The following DLL4 variants were observed in gnomAD, a reference collection of about 807,000 sequenced individuals.
DLL4 encodes delta-like protein 4.
Under a neutral mutation model 73.6 loss-of-function variants are expected in DLL4, and 7 were observed. The ratio of observed to expected loss-of-function variants is 0.10; its 90% CI spans 0.05 to 0.18. DLL4 has a LOEUF of 0.18. Ranked by LOEUF, DLL4 falls within the 10% of genes least tolerant of loss-of-function variation. The pLI, the probability that DLL4 is intolerant of heterozygous loss-of-function variation, is 1.00. For missense variants in DLL4, 614 were observed against 929.9 expected (o/e 0.66, Z 4.42); for synonymous variants, 345 against 374.3 (o/e 0.92, Z 0.90).
chr15:40,938,073 G>C lies in DLL4; in HGVS notation c.*39G>C. On this transcript the variant is annotated 3_prime_UTR_variant, in exon 11 of 11. Coordinates refer to ENST00000249749, the MANE Select transcript of DLL4 (RefSeq NM_019074.4). ...CTGGACATCCCTGCTCAGCCCCGCG[G>C]CTGGACCTTCCTTCTGCATTGTTTA... 1 of 1,523,078 alleles carries C rather than the reference G, an allele frequency of 6.6e-7. No homozygotes were observed. Among genetic ancestry groups the C allele is most frequent in the Non-Finnish European group, 8.8e-7 (1 of 1,137,288 alleles). 94.3% of individuals were successfully genotyped at this position (1,523,078 alleles called of 1,614,324 possible). A position where few individuals can be genotyped will look rare whatever the true frequency, so the allele number is the denominator to read the frequency against.
Position 40,936,451 on chromosome 15 carries a change from C to T in DLL4, c.1464C>T (p.Pro488=). Residue 488 remains proline, a synonymous_variant, in exon 9 of 11, where the codon CCC becomes CCT. Transcript: ENST00000249749. ...CCATCGATGCCTGTGCCTCGAGTCC[C>T]TGCTTCAACAGGGCCACCTGCTACA... ...RTSIDACASS[P]CFNRATCYTD... 3 of 1,611,342 alleles carry T rather than the reference C, an allele frequency of 1.9e-6. No individual in the cohort carries two copies. Among genetic ancestry groups the T allele is most frequent in the Non-Finnish European group, 2.5e-6 (3 of 1,179,546 alleles).
chr15:40,929,797 A>G lies in DLL4; in HGVS notation c.67-50A>G, dbSNP rs997452593. On this transcript the variant is annotated intron_variant, in intron 1 of 10. Transcript: ENST00000249749. This position sits in a 1 kb window ranked among gnomAD's most constrained non-coding sequence, Gnocchi z 7.1. ...GCTCTGGGCCTCAGCCCCGGGCACC[A>G]GCTGAGCTGACCGGTCCCCTCCCTC... 6.2e-7 allele frequency: 1 copy of G among 1,607,916 alleles called. No homozygotes were observed.
intron 4 of DLL4, 88 bp downstream of exon 4, chr15:40,931,854 G>C: frequency 6.5e-7 from 1 of 1,527,902 alleles, no homozygotes; most frequent in Admixed American, 1.9e-5. Flanking sequence ...TGCCTCCCTT[G>C]AAGAGTGGGT....
In DLL4 at chr15:40,930,441, A is replaced by T. The variant is rs1205066514; in HGVS notation, c.337-184A>T. On this transcript the variant is annotated intron_variant, in intron 2 of 10. Transcript: ENST00000249749. This position sits in a 1 kb window ranked among gnomAD's most constrained non-coding sequence, Gnocchi z 5.7. ...TCTCCCGTCTCTCAACCCTCCCTCTACCGGGGGTTCTCCTCTCGCCTTCCC... is the reference window on the plus strand; with the variant it reads ...TCTCCCGTCTCTCAACCCTCCCTCTTCCGGGGGTTCTCCTCTCGCCTTCCC... The T allele has an allele frequency of 4.6e-6, 3 of 659,292 alleles. No homozygotes were observed. The highest frequency in any genetic ancestry group is 8.2e-6 in the Non-Finnish European group (3 of 365,686). The allele number at this position is 659,292 out of a possible 1,614,324, so 40.8% of individuals were successfully genotyped here.
chr15:40,935,817 AC>A (rs1892835230), intron 8 of DLL4, among the ~76,000 whole-genome samples: 1 of 152,182 alleles, frequency 6.6e-6, no homozygotes, highest in Admixed American at 6.5e-5. Context: ...TTAACTATAT[AC>A]CAAACATGGG....
At position 40,936,215 on chromosome 15, in the gene DLL4, T is replaced by C. The variant is rs1379957015; in HGVS notation, c.1241-13T>C. ...CAGGCTATCACTGACTTGTGTCTCA[T>C]GCGTCCTCACAGGGGGACAGTGCCT... On this transcript the variant is annotated splice_polypyrimidine_tract_variant and intron_variant, in intron 8 of 10. Transcript: ENST00000249749. 5.8e-6 allele frequency: 9 copies of C among 1,558,380 alleles called. No homozygotes were observed. The highest frequency in any genetic ancestry group is 7.8e-6 in the Non-Finnish European group (9 of 1,154,862).
chr15:40,929,480 A>T lies in DLL4; in HGVS notation c.-189A>T. On this transcript the variant is annotated 5_prime_UTR_variant, in exon 1 of 11. Transcript: ENST00000249749. The surrounding 1 kb of genome is among the most constrained non-coding windows in gnomAD (Gnocchi z 7.1). ...CGCGTCCTCGGCGCGGTCGCCGCCC[A>T]GCCGTAGTCACCTGGATTACCTACA... is the stretch of plus-strand genomic sequence containing the variant. The T allele has an allele frequency of 1.7e-6, 1 of 580,536 alleles. No homozygotes were observed. The highest frequency in any genetic ancestry group is 2.9e-6 in the Non-Finnish European group (1 of 343,714). 36.0% of individuals were successfully genotyped at this position (580,536 alleles called of 1,614,324 possible).
intron 3 of DLL4, 51 bp from the exon 4 acceptor site, chr15:40,931,452 C>A: frequency 6.4e-7 from 1 of 1,563,550 alleles, no homozygotes; most frequent in Non-Finnish European, 8.7e-7. Flanking sequence ...CCGTCACTGG[C>A]ACCCTTGGGG....
In DLL4 at chr15:40,934,670, C is replaced by T; in HGVS notation, c.973C>T (p.Leu325Phe). ...GYTGVDCELELSECDSNPCRN... is the reference protein window; with the variant it reads ...GYTGVDCELEFSECDSNPCRN... ...CACTGGTGTGGACTGTGAGCTGGAGCTCAGCGAGTGTGACAGCAACCCCTG... is the reference window on the plus strand; with the variant it reads ...CACTGGTGTGGACTGTGAGCTGGAGTTCAGCGAGTGTGACAGCAACCCCTG... Residue 325 changes from leucine to phenylalanine, a missense_variant, in exon 7 of 11, where the codon CTC becomes TTC. Around this residue, in one of 3 missense-constraint regions of DLL4, gnomAD observed 386 missense variants for 541.3 expected, o/e 0.71. Transcript: ENST00000249749. 6.2e-7 allele frequency: 1 copy of T among 1,613,894 alleles called. No homozygotes were observed. The highest frequency in any genetic ancestry group is 8.5e-7 in the Non-Finnish European group (1 of 1,179,882).
chr15:40,929,874 C>T lies in DLL4; in HGVS notation c.94C>T (p.Leu32=), dbSNP rs1006227049. 8.7e-6 allele frequency: 14 copies of T among 1,612,528 alleles called. No homozygotes were observed. The highest frequency in any genetic ancestry group is 1.7e-5 in the Admixed American group (1 of 60,012). Residue 32 remains leucine (L), a synonymous_variant, in exon 2 of 11, where the codon CTG becomes TTG. Transcript: ENST00000249749. This position sits in a 1 kb window ranked among gnomAD's most constrained non-coding sequence, Gnocchi z 7.1. The stretch of plus-strand genomic sequence containing the variant: ...CGCGGCCGGCTCCGGCGTCTTCCAG[C>T]TGCAGCTGCAGGAGTTCATCAACGA... ...QRAAGSGVFQ[L]QLQEFINERG...
intron 9 of DLL4, among the ~76,000 whole-genome samples, 169 bp downstream of exon 9, chr15:40,937,099 A>G (rs1273542864): frequency 6.6e-6 from 1 of 152,144 alleles, no homozygotes; most frequent in Non-Finnish European, 1.5e-5. Flanking sequence ...CCTCCCATTC[A>G]TTCATTTGTT....
intron 7 of DLL4, 35 bp from the exon 8 acceptor site, chr15:40,934,863 G>C: frequency 6.2e-7 from 1 of 1,604,192 alleles, no homozygotes; most frequent in Non-Finnish European, 8.5e-7. Context: ...TGCCCCCCAG[G>C]GTCTGACTTT....
chr15:40,930,686 A>G lies in DLL4; in HGVS notation c.394+4A>G, dbSNP rs1475987762. ...CCAGGAGACGACCTGCGGCCAGGTG[A>G]GTAGCTCGCTCCGCCACCACAGGGG... On this transcript the variant is annotated splice_donor_region_variant and intron_variant, in intron 3 of 10. Coordinates refer to ENST00000249749, the MANE Select transcript of DLL4 (RefSeq NM_019074.4). The surrounding 1 kb of genome is among the most constrained non-coding windows in gnomAD (Gnocchi z 5.7). 6.2e-7 allele frequency: 1 copy of G among 1,613,484 alleles called. No individual in the cohort carries two copies. Among genetic ancestry groups the G allele is most frequent in the South Asian group, 1.1e-5 (1 of 91,032 alleles).
chr15:40,937,435 G>A lies in DLL4; in HGVS notation c.1961G>A (p.Arg654Gln), dbSNP rs762115737. The A allele has an allele frequency of 2.2e-5, 35 of 1,613,204 alleles. No individual in the cohort carries two copies. In the Admixed American group the frequency reaches 2.3e-4, roughly 11 times the overall value. The change falls in exon 10 of 11, where the codon CGG becomes CAG. Residue 654 changes from arginine to glutamine, a missense_variant. This residue lies in a region of DLL4 where 386 missense variants were observed against 541.3 expected (regional missense o/e 0.71). Transcript: ENST00000249749. ...TCCCTCAGTGAAAAGCCAGAGTGTC[G>A]GATATCAGCGATATGCTCCCCCAGG... ...LRLHSEKPEC[R>Q]ISAICSPRDS...
chr15:40,930,025 C>G lies in DLL4; in HGVS notation c.245C>G (p.Pro82Arg), dbSNP rs1456741763. Residue 82 changes from proline (P) to arginine (R), a missense_variant, in exon 2 of 11, where the codon CCG becomes CGG. Pro to Arg is a moderately radical substitution (Grantham distance 103). Transcript: ENST00000249749. This position sits in a 1 kb window ranked among gnomAD's most constrained non-coding sequence, Gnocchi z 5.7. ...GPCTFGTVST[P>R]VLGTNSFAVR... ...TGCACCTTCGGGACCGTCTCCACGC[C>G]GGTATTGGGCACCAACTCCTTCGCT... is the stretch of plus-strand genomic sequence containing the variant. 1 of 1,612,720 alleles carries G rather than the reference C, an allele frequency of 6.2e-7. No homozygotes were observed. Among genetic ancestry groups the G allele is most frequent in the Non-Finnish European group, 8.5e-7 (1 of 1,179,656 alleles).
At chr15:40,933,582 T>C (rs976080170) in intron 6 of DLL4, among the ~76,000 whole-genome samples, 10 of 152,236 alleles carry the variant, frequency 6.6e-5, no homozygotes, top group African/African-American at 2.4e-4. Flanking sequence ...CTACCATTTC[T>C]ACCTGTTGAA....
At position 40,929,959 on chromosome 15, in the gene DLL4, T is replaced by C. The variant is rs1374074509; in HGVS notation, c.179T>C (p.Val60Ala). 1.9e-6 allele frequency: 3 copies of C among 1,613,196 alleles called. No homozygotes were observed. The highest frequency in any genetic ancestry group is 1.1e-5 in the South Asian group (1 of 91,088). Residue 60 changes from valine to alanine, a missense_variant, in exon 2 of 11, where the codon GTC (valine) becomes GCC (alanine). Coordinates refer to ENST00000249749, the MANE Select transcript of DLL4 (RefSeq NM_019074.4). The surrounding 1 kb of genome is among the most constrained non-coding windows in gnomAD (Gnocchi z 7.1). ...CCCGGCTGCCGGACTTTCTTCCGCGTCTGCCTTAAGCACTTCCAGGCGGTC... is the reference window on the plus strand; with the variant it reads ...CCCGGCTGCCGGACTTTCTTCCGCGCCTGCCTTAAGCACTTCCAGGCGGTC... The part of the protein sequence containing the change: ...CEPGCRTFFR[V>A]CLKHFQAVVS...
chr15:40,930,029 A>G lies in DLL4; in HGVS notation c.249A>G (p.Val83=). The G allele has an allele frequency of 6.2e-7, 1 of 1,612,778 alleles. No individual in the cohort carries two copies. Among genetic ancestry groups the G allele is most frequent in the Non-Finnish European group, 8.5e-7 (1 of 1,179,626 alleles). The part of the protein sequence containing the change: ...PCTFGTVSTP[V]LGTNSFAVRD... ...CCTTCGGGACCGTCTCCACGCCGGT[A>G]TTGGGCACCAACTCCTTCGCTGTCC... The change falls in exon 2 of 11, where the codon GTA becomes GTG. Residue 83 remains valine, a synonymous_variant. Transcript: ENST00000249749. This position sits in a 1 kb window ranked among gnomAD's most constrained non-coding sequence, Gnocchi z 5.7.
chr15:40,932,076 A>C, intron 4 of DLL4, 95 bp from the exon 5 acceptor site: 1 of 1,417,486 alleles, frequency 7.1e-7, no homozygotes, highest in Non-Finnish European at 9.8e-7. Flanking sequence ...AAGAGGGCCC[A>C]GGAGAGCTAG....
Sources: allele counts gnomAD v4.1 joint callset (sites outside exome capture counted in the v4.1 genomes callset), GRCh38; gene constraint gnomAD v4.1.1; regional missense constraint gnomAD v4.1.1; non-coding constraint Gnocchi (gnomAD v3.1); transcripts MANE v1.5; gene names NCBI Gene and HGNC (gene_info 2026-07-23, HGNC 2026-07-21).